The following RAB3GAP1 variants were observed in gnomAD, a reference collection of about 807,000 sequenced individuals.
The protein encoded by RAB3GAP1 is RAB3 GTPase activating protein catalytic subunit 1, also known as rab3 GTPase-activating protein catalytic subunit.
Under a neutral mutation model 130.7 loss-of-function variants are expected in RAB3GAP1, and 86 were observed. The ratio of observed to expected loss-of-function variants is 0.66; its 90% CI spans 0.55 to 0.79. RAB3GAP1 has a LOEUF of 0.79. Ranked by LOEUF, RAB3GAP1 falls within the 30% of genes least tolerant of loss-of-function variation. The pLI is 0.00. For synonymous variants in RAB3GAP1, 367 were observed against 401.7 expected, an observed-to-expected ratio of 0.91 and a Z score of 1.03; for missense variants, 1,029 against 1,169.4, an observed-to-expected ratio of 0.88 and a Z score of 1.75.
At chr2:135,104,527 T>C (rs900688205) in intron 5 of RAB3GAP1, among the ~76,000 whole-genome samples, 1 of 152,012 alleles carries the variant, frequency 6.6e-6, no homozygotes, top group African/African-American at 2.4e-5. Context: ...GTGAGTTACA[T>C]AGGAATCTCA....
rs1325629322 is a variant in RAB3GAP1 at position 135,153,827 on chromosome 2, C to T, written c.2240C>T (p.Pro747Leu). The change falls in exon 19 of 24, where the codon CCT (proline) becomes CTT (leucine). Residue 747 changes from proline (P) to leucine (L), a missense_variant. By Grantham distance (98) the Pro-to-Leu change is moderately conservative. Transcript: ENST00000264158. ...GCCTGGGAAACAGCTAAGCCAATTC[C>T]TGCTAGAAGGCAAAGGAGACTCTTT... ...VEAWETAKPI[P>L]ARRQRRLFDD... is the part of the protein sequence containing the mutation. The T allele has an allele frequency of 1.2e-6, 2 of 1,613,868 alleles. No homozygotes were observed. Among genetic ancestry groups the T allele is most frequent in the South Asian group, 1.1e-5 (1 of 91,076 alleles).
intron 5 of RAB3GAP1, among the ~76,000 whole-genome samples, chr2:135,102,940 G>A (rs1349238248): frequency 1.3e-5 from 2 of 148,944 alleles, no homozygotes; most frequent in Non-Finnish European, 3.0e-5. Context: ...GCCTGAACCC[G>A]GTAGGCAGAG....
At chr2:135,148,566 C>G (rs1310837564) in intron 17 of RAB3GAP1, among the ~76,000 whole-genome samples, 1 of 144,274 alleles carries the variant, frequency 6.9e-6, no homozygotes, top group African/African-American at 2.6e-5. Flanking sequence ...GTGATCTTGG[C>G]TTACTGCAAC....
At chr2:135,125,370 C>T (rs1313487463) in intron 9 of RAB3GAP1, among the ~76,000 whole-genome samples, 1 of 152,122 alleles carries the variant, frequency 6.6e-6, no homozygotes, top group African/African-American at 2.4e-5. Context: ...GATAGTACCA[C>T]ACACTAAATA....
chr2:135,171,920 G>GA (rs1168882880), downstream of RAB3GAP1, among the ~76,000 whole-genome samples: 2 of 152,202 alleles, frequency 1.3e-5, no homozygotes, highest in African/African-American at 4.8e-5. Context: ...ATTGGCCAAT[G>GA]AAAAGCCTGA....
intron 5 of RAB3GAP1, among the ~76,000 whole-genome samples, chr2:135,105,218 C>T (rs1004661158): frequency 2.5e-5 from 3 of 119,658 alleles, no homozygotes; most frequent in Admixed American, 8.3e-5. Context: ...CTCCCCCTCC[C>T]CCTTCCCCCT....
intron 4 of RAB3GAP1, among the ~76,000 whole-genome samples, chr2:135,092,603 A>G (rs543916346): frequency 3.6e-4 from 55 of 152,134 alleles, no homozygotes; most frequent in African/African-American, 1.2e-3. Flanking sequence ...TACCCAGTTA[A>G]TTTTTTGTAT....
downstream of RAB3GAP1, among the ~76,000 whole-genome samples, chr2:135,172,261 C>A (rs1692875181): frequency 6.6e-6 from 1 of 151,042 alleles, no homozygotes; most frequent in Non-Finnish European, 1.5e-5. Context: ...GAAACCCCGT[C>A]TCTATTAAAA....
chr2:135,106,819 A>C (rs1690641214), intron 5 of RAB3GAP1, among the ~76,000 whole-genome samples: 1 of 151,856 alleles, frequency 6.6e-6, no homozygotes, highest in Non-Finnish European at 1.5e-5. Context: ...AAAAGGAAAA[A>C]CAAATGTGAA....
chr2:135,075,493 GTTAC>G (rs1164549293), intron 3 of RAB3GAP1, among the ~76,000 whole-genome samples: 5 of 151,824 alleles, frequency 3.3e-5, no homozygotes, highest in African/African-American at 1.2e-4. Context: ...AACATCTATT[GTTAC>G]TTTAATTCTT....
intron 5 of RAB3GAP1, among the ~76,000 whole-genome samples, chr2:135,095,849 G>A (rs908583096): frequency 7.9e-5 from 12 of 151,906 alleles, no homozygotes; most frequent in African/African-American, 2.2e-4. Flanking sequence ...CTTGGTTATC[G>A]GATTGACAAA....
intron 17 of RAB3GAP1, among the ~76,000 whole-genome samples, chr2:135,139,712 C>CT (rs1691783407): frequency 6.6e-6 from 1 of 152,150 alleles, no homozygotes; most frequent in African/African-American, 2.4e-5. Context: ...TGGAAATTCT[C>CT]TACATTCTCT....
At chr2:135,145,497 A>T (rs1443166693) in intron 17 of RAB3GAP1, among the ~76,000 whole-genome samples, 1 of 152,112 alleles carries the variant, frequency 6.6e-6, no homozygotes, top group Non-Finnish European at 1.5e-5. Flanking sequence ...CAAACCTATA[A>T]GGAGTCACAG....
At chr2:135,112,370 C>A (rs1690829142) in intron 5 of RAB3GAP1, among the ~76,000 whole-genome samples, 1 of 152,178 alleles carries the variant, frequency 6.6e-6, no homozygotes, top group Admixed American at 6.5e-5. Context: ...TACACTGAAA[C>A]CCATGTGTAA....
intron 17 of RAB3GAP1, among the ~76,000 whole-genome samples, chr2:135,149,597 G>T (rs1415718980): frequency 1.3e-5 from 2 of 152,162 alleles, no homozygotes; most frequent in Non-Finnish European, 2.9e-5. Context: ...AGTGATGCAT[G>T]TTCATTGTAG....
At chr2:135,086,124 C>T (rs1425993699) in intron 3 of RAB3GAP1, among the ~76,000 whole-genome samples, 1 of 152,158 alleles carries the variant, frequency 6.6e-6, no homozygotes, top group Non-Finnish European at 1.5e-5. Flanking sequence ...GTACACTATC[C>T]TTTCTCCTAT....
intron 3 of RAB3GAP1, among the ~76,000 whole-genome samples, chr2:135,068,365 A>G (rs1383090758): frequency 6.6e-6 from 1 of 152,006 alleles, no homozygotes; most frequent in Non-Finnish European, 1.5e-5. Context: ...GATAAGTGAA[A>G]TTTTCAATAT....
At chr2:135,100,218 T>G (rs1210556569) in intron 5 of RAB3GAP1, among the ~76,000 whole-genome samples, 1 of 152,226 alleles carries the variant, frequency 6.6e-6, no homozygotes, top group Non-Finnish European at 1.5e-5. Flanking sequence ...AACAGACTTT[T>G]CTTCCATCAT....
intron 14 of RAB3GAP1, 145 bp downstream of exon 14, chr2:135,133,129 T>G (rs1009563981): frequency 1.6e-6 from 1 of 633,910 alleles, no homozygotes; most frequent in East Asian, 2.8e-5. Flanking sequence ...TGGTTTCCAC[T>G]TAGATAACTA....
Sources: gnomAD v4.1 joint callset for allele counts (sites outside exome capture counted in the v4.1 genomes callset) on GRCh38, gnomAD v4.1.1 for gene constraint, MANE v1.5 for transcripts, NCBI Gene and HGNC (gene_info 2026-07-23, HGNC 2026-07-21) for gene names.